Variants in AUTS2 observed in about 807,000 individuals in gnomAD.
AUTS2 encodes autism susceptibility gene 2 protein.
AUTS2 carries 17 observed loss-of-function variants against 112.4 expected under a neutral mutation model. The observed-to-expected ratio is 0.15, with a 90% CI of 0.10 to 0.23. The LOEUF (loss-of-function observed/expected upper bound fraction) is 0.23, where lower values mean the gene tolerates loss of function less well. Ranked by LOEUF, AUTS2 falls within the 10% of genes least tolerant of loss-of-function variation. AUTS2 has a pLI of 1.00. For synonymous variants in AUTS2, 751 were observed against 702.7 expected (o/e 1.07, Z -1.09); for missense variants, 1,510 against 1,701.6 (o/e 0.89, Z 1.98).
intron 4 of AUTS2, among the ~76,000 whole-genome samples, chr7:70,234,668 G>C (rs564985607): frequency 5.9e-5 from 9 of 152,240 alleles, no homozygotes; most frequent in Middle Eastern, 3.4e-3. Context: ...TGATTCAACA[G>C]CCCACACCCC....
At chr7:70,037,988 C>T (rs904699347) in intron 2 of AUTS2, among the ~76,000 whole-genome samples, 1 of 117,934 alleles carries the variant, frequency 8.5e-6, no homozygotes, top group Admixed American at 1.1e-4. Context: ...ACCTTGATTT[C>T]ATTTACACAA....
chr7:70,093,617 G>A (rs1023555248), intron 2 of AUTS2, among the ~76,000 whole-genome samples: 1 of 152,184 alleles, frequency 6.6e-6, no homozygotes, highest in African/African-American at 2.4e-5. Context: ...GAGGAGACAC[G>A]AAGGACATGT....
intron 2 of AUTS2, among the ~76,000 whole-genome samples, chr7:69,930,199 A>G (rs1320192773): frequency 6.6e-6 from 1 of 152,134 alleles, no homozygotes; most frequent in Non-Finnish European, 1.5e-5. Flanking sequence ...AATGTTCTCT[A>G]TAATTCTTTT....
chr7:69,602,020 G>GTATATATATATA (rs1173266676), intron 1 of AUTS2, among the ~76,000 whole-genome samples: 46 of 68,260 alleles, frequency 6.7e-4, no homozygotes, highest in African/African-American at 1.0e-3. Context: ...ATGTGTGTGT[G>GTATATATATATA]TATATATATA....
At chr7:70,628,147 G>A (rs1006279966) in intron 5 of AUTS2, among the ~76,000 whole-genome samples, 5 of 152,046 alleles carry the variant, frequency 3.3e-5, no homozygotes, top group Middle Eastern at 3.2e-3. Context: ...GAAGCCATGC[G>A]GGCAATGTTG....
At chr7:70,318,856 G>A (rs1790122018) in intron 4 of AUTS2, among the ~76,000 whole-genome samples, 1 of 152,144 alleles carries the variant, frequency 6.6e-6, no homozygotes, top group African/African-American at 2.4e-5. Context: ...GCTGCATTAG[G>A]TACCTAGTGT....
intron 2 of AUTS2, among the ~76,000 whole-genome samples, chr7:70,019,686 C>G (rs937996790): frequency 3.9e-5 from 6 of 152,014 alleles, no homozygotes; most frequent in Admixed American, 3.9e-4. Flanking sequence ...AACACCTACC[C>G]CATAGAGTTG....
chr7:70,665,448 T>C (rs1164854595), intron 5 of AUTS2, among the ~76,000 whole-genome samples: 1 of 137,308 alleles, frequency 7.3e-6, no homozygotes, highest in Non-Finnish European at 1.5e-5. Flanking sequence ...TTTATCTATT[T>C]ATCTATTTAT....
intron 5 of AUTS2, among the ~76,000 whole-genome samples, chr7:70,530,836 T>C (rs776241019): frequency 2.6e-5 from 4 of 152,134 alleles, no homozygotes; most frequent in Non-Finnish European, 5.9e-5. Flanking sequence ...CACCACCACC[T>C]CTAGCTCTGC....
rs529294441 is a variant in AUTS2 at position 69,854,117 on chromosome 7, T to C, written c.310-45169T>C. ...TTTTACTCAAACTTATGCTTTGCAGTTGGAATACCCTAATACCGATTATAA... is the reference window on the plus strand; with the variant it reads ...TTTTACTCAAACTTATGCTTTGCAGCTGGAATACCCTAATACCGATTATAA... On this transcript the variant is annotated intron_variant, in intron 1 of 18. Coordinates refer to ENST00000342771, the MANE Select transcript of AUTS2 (RefSeq NM_015570.4). 5.3e-5 allele frequency among the ~76,000 whole-genome samples: 8 copies of C among 152,312 alleles called. No homozygotes were observed. The East Asian group carries it at 1.4e-3, about 26-fold the overall frequency.
At chr7:70,775,066 C>T (rs1019108691) in intron 12 of AUTS2, 2 of 433,124 alleles carry the variant, frequency 4.6e-6, no homozygotes, top group Middle Eastern at 6.2e-4. Context: ...AACAGTGAAA[C>T]TCCTGGTGTG....
At chr7:70,433,650 G>A (rs1022711502) in intron 4 of AUTS2, among the ~76,000 whole-genome samples, 1 of 152,178 alleles carries the variant, frequency 6.6e-6, no homozygotes, top group Non-Finnish European at 1.5e-5. Flanking sequence ...GTTGGAAGCT[G>A]GGTTGGAAAT....
chr7:70,344,280 A>C (rs2129621221), intron 4 of AUTS2, among the ~76,000 whole-genome samples: 1 of 152,288 alleles, frequency 6.6e-6, no homozygotes, highest in South Asian at 2.1e-4. Flanking sequence ...AGGTAAAGTC[A>C]AGAGAACCTA....
At chr7:70,043,254 T>C (rs974130189) in intron 2 of AUTS2, among the ~76,000 whole-genome samples, 1 of 152,174 alleles carries the variant, frequency 6.6e-6, no homozygotes, top group Non-Finnish European at 1.5e-5. Context: ...TTTTGGAAGA[T>C]AGAATTAGCT....
chr7:70,044,792 C>A (rs1438523440), intron 2 of AUTS2, among the ~76,000 whole-genome samples: 1 of 152,132 alleles, frequency 6.6e-6, no homozygotes, highest in Non-Finnish European at 1.5e-5. Flanking sequence ...AGACTTTTAA[C>A]TGAAGAAAAT....
chr7:70,194,919 C>T (rs1212194949), intron 4 of AUTS2: 1 of 152,156 alleles, frequency 6.6e-6, no homozygotes, highest in Non-Finnish European at 1.5e-5. Context: ...TCAGACAGCA[C>T]AGAAATTGTC....
chr7:70,495,695 A>G (rs1798437051), intron 5 of AUTS2, among the ~76,000 whole-genome samples: 1 of 121,312 alleles, frequency 8.2e-6, no homozygotes, highest in East Asian at 2.5e-4. Context: ...CCACGTACAC[A>G]GTCACACACA....
chr7:70,491,005 C>T (rs1798207042), intron 5 of AUTS2, among the ~76,000 whole-genome samples: 1 of 152,156 alleles, frequency 6.6e-6, no homozygotes, highest in Non-Finnish European at 1.5e-5. Context: ...AGAGAGAAGG[C>T]GGGTGTGGCA....
At chr7:70,174,527 T>A (rs1000472353) in intron 4 of AUTS2, among the ~76,000 whole-genome samples, 2 of 152,212 alleles carry the variant, frequency 1.3e-5, no homozygotes, top group African/African-American at 4.8e-5. Flanking sequence ...TAGAAGAAGA[T>A]GCCACCTATG....
Sources: gnomAD v4.1 joint callset for allele counts (sites outside exome capture counted in the v4.1 genomes callset) on GRCh38, gnomAD v4.1.1 for gene constraint, MANE v1.5 for transcripts, NCBI Gene and HGNC (gene_info 2026-07-23, HGNC 2026-07-21) for gene names.